The following CHD5 variants were observed in gnomAD, a reference collection of about 807,000 sequenced individuals.
CHD5 encodes the protein ATP-dependent chromatin remodeler CHD5.
In CHD5, 69 loss-of-function variants were observed where a neutral mutation model predicts 230.3. The ratio of observed to expected loss-of-function variants is 0.30; its 90% CI spans 0.25 to 0.37. CHD5 has a LOEUF of 0.37. CHD5 is among the 10% of genes least tolerant of loss of function. The probability of loss-of-function intolerance (pLI) is 1.00; values close to 1 mark genes in which losing one functional copy is unlikely to be tolerated. For missense variants in CHD5, 1,827 were observed against 2,622.8 expected, an observed-to-expected ratio of 0.70 and a Z score of 6.63; for synonymous variants, 1,064 against 1,065.9, an observed-to-expected ratio of 1.00 and a Z score of 0.03.
intron 15 of CHD5, among the ~76,000 whole-genome samples, chr1:6,138,282 CG>C (rs1048823811): frequency 2.6e-5 from 4 of 151,770 alleles, no homozygotes; most frequent in African/African-American, 4.8e-5. Flanking sequence ...GAGGCTGAGG[CG>C]GGAGAATCAC....
rs748414781 is a variant in CHD5, at chr1:6,167,929, G to A, written c.207+221C>T. ...CGGGAGGAAGGAAAAATGACGCTCC[G>A]ACATCCTGCTCCGGAAACAGGACAG... On this transcript the variant is annotated intron_variant, in intron 2 of 41. Transcript: ENST00000262450. The surrounding 1 kb of genome is among the most constrained non-coding windows in gnomAD (Gnocchi z 4.5). 6.6e-6 allele frequency among the ~76,000 whole-genome samples: 1 copy of A among 152,128 alleles called. No homozygotes were observed. Among genetic ancestry groups the A allele is most frequent in the African/African-American group, 2.4e-5 (1 of 41,422 alleles).
intron 20 of CHD5, among the ~76,000 whole-genome samples, chr1:6,133,039 G>T (rs1273565202): frequency 6.6e-6 from 1 of 152,092 alleles, no homozygotes; most frequent in African/African-American, 2.4e-5. Context: ...AGATTACAGG[G>T]TGAGCCACTG....
rs1307287207 is a variant in CHD5 at position 6,128,501 on chromosome 1, G to A, written c.3728C>T (p.Pro1243Leu). The A allele has an allele frequency of 1.2e-6, 2 of 1,612,060 alleles. No homozygotes were observed. Among genetic ancestry groups the A allele is most frequent in the Non-Finnish European group, 1.7e-6 (2 of 1,178,258 alleles). Residue 1243 changes from proline to leucine, a missense_variant and splice_region_variant, in exon 24 of 42, where the codon CCA becomes CTA. Transcript: ENST00000262450. The surrounding 1 kb of genome is among the most constrained non-coding windows in gnomAD (Gnocchi z 7.8). The stretch of plus-strand genomic sequence containing the variant: ...GGCTGGGCTGGGTTGGCCCCTACCT[G>A]GCGGGGTGCTACCGTGCTTCTTCTT... ...SAKKKHGSTPPGDNKDVEDSS... is the reference protein window; with the variant it reads ...SAKKKHGSTPLGDNKDVEDSS...
chr1:6,146,310 C>A lies in CHD5; in HGVS notation c.1704G>T (p.Arg568Ser), dbSNP rs773970113. 5.6e-6 allele frequency: 9 copies of A among 1,614,186 alleles called. No individual in the cohort carries two copies. The highest frequency in any genetic ancestry group is 7.6e-6 in the Non-Finnish European group (9 of 1,180,022). Reference protein sequence around the residue: ...SGDEDGKSEKRKNKDPLYAKM... With the variant: ...SGDEDGKSEKSKNKDPLYAKM... ...TGGCATAGAGGGGGTCCTTGTTCTT[C>A]CTCTTCTCGCTCTTGCCGTCTTCAT... The change falls in exon 11 of 42, where the codon AGG (arginine) becomes AGT (serine). Residue 568 changes from arginine to serine, a missense_variant. Physicochemically the swap from Arg to Ser is moderately radical, Grantham distance 110. Around this residue, in one of 14 missense-constraint regions of CHD5, gnomAD observed 657 missense variants for 816.4 expected, o/e 0.80. Transcript: ENST00000262450. The surrounding 1 kb of genome is among the most constrained non-coding windows in gnomAD (Gnocchi z 5.1).
In CHD5 at chr1:6,154,535, G is replaced by C; in HGVS notation, c.745+125C>G. ...GGCAATCCAAGGTCACACAGGCACA[G>C]AGCCCTCCATTAGGAGCACCCCAGC... is the stretch of plus-strand genomic sequence containing the variant. On this transcript the variant is annotated intron_variant, in intron 5 of 41. Coordinates refer to ENST00000262450, the MANE Select transcript of CHD5 (RefSeq NM_015557.3). This position sits in a 1 kb window ranked among gnomAD's most constrained non-coding sequence, Gnocchi z 7.0. The C allele has an allele frequency of 3.7e-6, 3 of 807,500 alleles. No individual in the cohort carries two copies. The highest frequency in any genetic ancestry group is 5.7e-6 in the Non-Finnish European group (3 of 526,522). The allele number at this position is 807,500 out of a possible 1,614,324, so 50.0% of individuals were successfully genotyped here. A position where few individuals can be genotyped will look rare whatever the true frequency, so the allele number is the denominator to read the frequency against.
Position 6,121,004 on chromosome 1 carries a change from G to A in CHD5, c.4912+101C>T, listed in dbSNP as rs1355024265. 12 of 1,347,254 alleles carry A rather than the reference G, an allele frequency of 8.9e-6. No individual in the cohort carries two copies. Among genetic ancestry groups the A allele is most frequent in the Non-Finnish European group, 1.1e-5 (11 of 1,023,212 alleles). 83.5% of individuals were successfully genotyped at this position (1,347,254 alleles called of 1,614,324 possible). On this transcript the variant is annotated intron_variant, in intron 33 of 41. Coordinates refer to ENST00000262450, the MANE Select transcript of CHD5 (RefSeq NM_015557.3). The surrounding 1 kb of genome is among the most constrained non-coding windows in gnomAD (Gnocchi z 4.5). ...AGGGTTGGAGTCTACCTCTCTGCCA[G>A]GGAGAAATGAGCGGAAGTACAGCCA...
chr1:6,150,847 G>A (rs931024361), intron 7 of CHD5, among the ~76,000 whole-genome samples, 185 bp downstream of exon 7: 1 of 152,100 alleles, frequency 6.6e-6, no homozygotes, highest in African/African-American at 2.4e-5. Context: ...AACCAGGGCC[G>A]TGTGGGAAAC....
intron 2 of CHD5, among the ~76,000 whole-genome samples, chr1:6,165,914 G>A (rs1667245865): frequency 6.6e-6 from 1 of 152,060 alleles, no homozygotes; most frequent in African/African-American, 2.4e-5. Flanking sequence ...CCCCGGGGAA[G>A]ATGCAAGAGC....
At chr1:6,171,511 C>G (rs1667339176) in intron 1 of CHD5, among the ~76,000 whole-genome samples, 3 of 152,054 alleles carry the variant, frequency 2.0e-5, no homozygotes, top group Admixed American at 2.0e-4. Context: ...GACACTGCCC[C>G]CCCCAACACC....
Position 6,128,030 on chromosome 1 carries a change from G to T in CHD5, c.3903+16C>A, listed in dbSNP as rs113325586. 1 of 1,579,884 alleles carries T rather than the reference G, an allele frequency of 6.3e-7. No homozygotes were observed. The highest frequency in any genetic ancestry group is 1.1e-5 in the South Asian group (1 of 87,428). ...GAGGGCGGGGCTGCGGATGGAGGGC[G>T]GGCCGGGGACCTTACCACGCCGTCC... On this transcript the variant is annotated intron_variant, in intron 25 of 41. Transcript: ENST00000262450. The surrounding 1 kb of genome is among the most constrained non-coding windows in gnomAD (Gnocchi z 7.8).
intron 2 of CHD5, among the ~76,000 whole-genome samples, chr1:6,160,153 C>T (rs1184258229): frequency 8.2e-6 from 1 of 122,308 alleles, no homozygotes; most frequent in Non-Finnish European, 1.7e-5. Flanking sequence ...GGAAGGGCCC[C>T]AGCAAGGGAA....
Position 6,154,377 on chromosome 1 carries a change from G to A in CHD5, c.745+283C>T, listed in dbSNP as rs930339665. On this transcript the variant is annotated intron_variant, in intron 5 of 41. Transcript: ENST00000262450. The surrounding 1 kb of genome is among the most constrained non-coding windows in gnomAD (Gnocchi z 7.0). ...CCCTCCCTCCAGGCCCACGTCGGGG[G>A]CACCTCCTGGCTGGCCAGGCTCAAA... Among the ~76,000 whole-genome samples, 1 of 152,124 alleles carries A rather than the reference G, an allele frequency of 6.6e-6. No individual in the cohort carries two copies. Among genetic ancestry groups the A allele is most frequent in the Non-Finnish European group, 1.5e-5 (1 of 68,032 alleles).
At chr1:6,164,748 C>G (rs776937916) in intron 2 of CHD5, among the ~76,000 whole-genome samples, 20 of 152,178 alleles carry the variant, frequency 1.3e-4, no homozygotes, top group Non-Finnish European at 2.4e-4. Flanking sequence ...GAGCCAGGCT[C>G]TCAAATGCAG....
At chr1:6,174,614 GGATGGTGGATA>G (rs1280178602) in intron 1 of CHD5, among the ~76,000 whole-genome samples, 1 of 151,436 alleles carries the variant, frequency 6.6e-6, no homozygotes, top group Non-Finnish European at 1.5e-5. Context: ...ATGGACGAAT[GGATGGTGGATA>G]GATGGTGAAT....
intron 1 of CHD5, among the ~76,000 whole-genome samples, chr1:6,175,404 G>C (rs961795355): frequency 2.0e-5 from 3 of 149,784 alleles, no homozygotes; most frequent in African/African-American, 4.9e-5. Flanking sequence ...GATGGATGGT[G>C]GATAGATGAA....
At chr1:6,170,491 GTGCACCAGTGGAAGGTGTT>G (rs1667320268) in intron 1 of CHD5, among the ~76,000 whole-genome samples, 1 of 152,180 alleles carries the variant, frequency 6.6e-6, no homozygotes, top group Non-Finnish European at 1.5e-5. Flanking sequence ...CGGGGCCAAT[GTGCACCAGTGGAAGGTGTT>G]TGCACCAGTG....
chr1:6,129,091 C>T lies in CHD5; in HGVS notation c.3388-22G>A. ...AGGCCTGGGGAGACCTGCACCTCAG[C>T]ACCCGTGGCTCACCCAGGGCTCCAG... On this transcript the variant is annotated intron_variant, in intron 22 of 41. Transcript: ENST00000262450. The surrounding 1 kb of genome is among the most constrained non-coding windows in gnomAD (Gnocchi z 6.8). 6.4e-7 allele frequency: 1 copy of T among 1,564,664 alleles called. No homozygotes were observed. The highest frequency in any genetic ancestry group is 1.1e-5 in the South Asian group (1 of 89,418).
At chr1:6,108,884 G>A (rs939639654) in intron 38 of CHD5, among the ~76,000 whole-genome samples, 3 of 150,824 alleles carry the variant, frequency 2.0e-5, no homozygotes, top group African/African-American at 7.3e-5. Flanking sequence ...GAGGCATGGA[G>A]GGATGATGGA....
chr1:6,140,633 C>T (rs887018997), intron 15 of CHD5, among the ~76,000 whole-genome samples: 17 of 152,158 alleles, frequency 1.1e-4, no homozygotes, highest in Non-Finnish European at 1.8e-4. Flanking sequence ...ACAGCTGGTG[C>T]ACTGCATTGA....
Sources: allele counts gnomAD v4.1 joint callset (sites outside exome capture counted in the v4.1 genomes callset), GRCh38; gene constraint gnomAD v4.1.1; regional missense constraint gnomAD v4.1.1; non-coding constraint Gnocchi (gnomAD v3.1); transcripts MANE v1.5; gene names NCBI Gene and HGNC (gene_info 2026-07-23, HGNC 2026-07-21).